KRABD5: variants seen among roughly 807,000 people sequenced by gnomAD.
KRABD5 encodes the protein KRAB domain-containing protein 5.
the KRABD5 span, among the ~76,000 whole-genome samples, chr16:31,751,892 T>C: frequency 6.6e-6 from 1 of 152,208 alleles, no homozygotes; most frequent in Non-Finnish European, 1.5e-5. Context: ...AATAGGCATT[T>C]CGTGTTATAA....
the KRABD5 span, chr16:31,714,324 A>G: frequency 2.2e-6 from 1 of 455,764 alleles, no homozygotes; most frequent in African/African-American, 2.0e-5. Context: ...CTTTCTATAA[A>G]AACTGTTTTG....
the KRABD5 span, among the ~76,000 whole-genome samples, chr16:31,727,841 AT>A: frequency 3.9e-5 from 6 of 151,922 alleles, no homozygotes; most frequent in Non-Finnish European, 1.5e-5. Flanking sequence ...GTAATGACTC[AT>A]CCTTCTTTCT....
At chr16:31,715,590 TA>T in the KRABD5 span, among the ~76,000 whole-genome samples, 1 of 152,174 alleles carries the variant, frequency 6.6e-6, no homozygotes, top group African/African-American at 2.4e-5. Flanking sequence ...AGTAGGGTAT[TA>T]TGGGAGGCCC....
the KRABD5 span, among the ~76,000 whole-genome samples, chr16:31,733,929 A>G: frequency 1.3e-5 from 2 of 152,182 alleles, no homozygotes; most frequent in African/African-American, 2.4e-5. Flanking sequence ...ATGTAGTACC[A>G]TGTGTATGTT....
chr16:31,734,972 C>T, the KRABD5 span, among the ~76,000 whole-genome samples: 1 of 152,054 alleles, frequency 6.6e-6, no homozygotes, highest in African/African-American at 2.4e-5. Context: ...TGGTCTTGAA[C>T]TCTTGAACTA....
the KRABD5 span, chr16:31,754,077 C>T: frequency 1.3e-6 from 1 of 769,592 alleles, no homozygotes; most frequent in Non-Finnish European, 2.2e-6. Context: ...ATTTTTGAAA[C>T]TTACCTTTTC....
chr16:31,725,062 A>T, the KRABD5 span, among the ~76,000 whole-genome samples: 1 of 152,338 alleles, frequency 6.6e-6, no homozygotes, highest in African/African-American at 2.4e-5. Flanking sequence ...TATTTTGAAT[A>T]ATCAGCTGTG....
chr16:31,747,980 A>C, the KRABD5 span, among the ~76,000 whole-genome samples: 1 of 151,956 alleles, frequency 6.6e-6, no homozygotes, highest in South Asian at 2.1e-4. Flanking sequence ...GCTGTGCAGA[A>C]GCTCTTTAGT....
At chr16:31,751,391 C>A in the KRABD5 span, among the ~76,000 whole-genome samples, 1 of 152,196 alleles carries the variant, frequency 6.6e-6, no homozygotes, top group East Asian at 1.9e-4. Context: ...TGATATAATT[C>A]AGCTGTGAAT....
the KRABD5 span, among the ~76,000 whole-genome samples, chr16:31,742,376 G>A: frequency 6.6e-6 from 1 of 152,160 alleles, no homozygotes; most frequent in South Asian, 2.1e-4. Context: ...TGTTCTCATT[G>A]TTCAACTCCC....
the KRABD5 span, among the ~76,000 whole-genome samples, chr16:31,724,935 C>T: frequency 3.3e-5 from 5 of 152,062 alleles, no homozygotes; most frequent in Non-Finnish European, 5.9e-5. Context: ...TGATATTATA[C>T]AGTATTTGTA....
chr16:31,759,368 C>T, the KRABD5 span: 2 of 1,479,898 alleles, frequency 1.4e-6, no homozygotes, highest in African/African-American at 1.6e-5. Context: ...CAAAATAATC[C>T]TATGGTGAAA....
At chr16:31,719,300 A>G in the KRABD5 span, among the ~76,000 whole-genome samples, 5 of 152,280 alleles carry the variant, frequency 3.3e-5, no homozygotes, top group South Asian at 8.3e-4. Context: ...AGTTGTTATT[A>G]TTATTTCTAT....
the KRABD5 span, among the ~76,000 whole-genome samples, chr16:31,721,889 A>G: frequency 6.6e-6 from 1 of 152,220 alleles, no homozygotes; most frequent in Non-Finnish European, 1.5e-5. Context: ...GATCTCCTGA[A>G]TCAGAATCTG....
the KRABD5 span, among the ~76,000 whole-genome samples, chr16:31,736,944 T>TA: frequency 6.6e-6 from 1 of 152,220 alleles, no homozygotes. Context: ...TATTTAAGTT[T>TA]ATTGCTGGGT....
the KRABD5 span, among the ~76,000 whole-genome samples, chr16:31,749,589 G>A: frequency 0.037 from 5,572 of 152,266 alleles, 280 homozygotes; most frequent in East Asian, 0.11. Context: ...ATGAGTTCAC[G>A]AATGGGATCT....
At chr16:31,727,816 T>C in the KRABD5 span, among the ~76,000 whole-genome samples, 1 of 152,210 alleles carries the variant, frequency 6.6e-6, no homozygotes, top group South Asian at 2.1e-4. Context: ...TATTATTCTT[T>C]GTGTGTTGTC....
chr16:31,728,879 A>C, the KRABD5 span, among the ~76,000 whole-genome samples: 1 of 152,162 alleles, frequency 6.6e-6, no homozygotes, highest in Non-Finnish European at 1.5e-5. Context: ...GTAGGGTACT[A>C]ATGTTCTCTT....
the KRABD5 span, among the ~76,000 whole-genome samples, chr16:31,751,585 T>G: frequency 6.6e-6 from 1 of 152,306 alleles, no homozygotes; most frequent in East Asian, 1.9e-4. Flanking sequence ...TCTCTGAGAA[T>G]CTTTTGTATA....
Sources: allele counts gnomAD v4.1 joint callset (sites outside exome capture counted in the v4.1 genomes callset), GRCh38; gene constraint gnomAD v4.1.1; transcripts MANE v1.5; gene names NCBI Gene and HGNC (gene_info 2026-07-23, HGNC 2026-07-21).